CDH18: variants seen among roughly 807,000 people sequenced by gnomAD.
The protein encoded by CDH18 is cadherin-18.
Under a neutral mutation model 67.9 loss-of-function variants are expected in CDH18, and 31 were observed. The ratio of observed to expected loss-of-function variants is 0.46; its 90% CI spans 0.34 to 0.62. The LOEUF (loss-of-function observed/expected upper bound fraction) is 0.62. Among genes scored for constraint, CDH18 ranks in the 20% least tolerant of loss-of-function variants. The pLI, the probability that CDH18 is intolerant of heterozygous loss-of-function variation, is 0.01. For synonymous variants in CDH18, 362 were observed against 347.2 expected, an observed-to-expected ratio of 1.04 and a Z score of -0.48; for missense variants, 890 against 975.5, an observed-to-expected ratio of 0.91 and a Z score of 1.17.
intron 10 of CDH18, among the ~76,000 whole-genome samples, chr5:19,508,424 T>C (rs1419610410): frequency 1.3e-5 from 2 of 152,138 alleles, no homozygotes; most frequent in African/African-American, 4.8e-5. Flanking sequence ...CCTAAGAATA[T>C]CTTTTTTGAT....
At chr5:19,729,291 T>C (rs931123122) in intron 4 of CDH18, among the ~76,000 whole-genome samples, 2 of 152,186 alleles carry the variant, frequency 1.3e-5, no homozygotes, top group Admixed American at 1.3e-4. Context: ...ATAAAATAAT[T>C]AAGTTAACAA....
intron 1 of CDH18, among the ~76,000 whole-genome samples, chr5:20,366,378 C>T (rs1335179813): frequency 6.6e-6 from 1 of 152,152 alleles, no homozygotes; most frequent in African/African-American, 2.4e-5. Flanking sequence ...CACTTTTTTT[C>T]CTGTTCCAAT....
chr5:20,198,940 C>G (rs115141811), intron 2 of CDH18, among the ~76,000 whole-genome samples: 1 of 152,184 alleles, frequency 6.6e-6, no homozygotes, highest in Non-Finnish European at 1.5e-5. Flanking sequence ...TGAGAGTGCA[C>G]AGAAGACAAT....
At chr5:20,519,459 G>A (rs1413687717) in intron 1 of CDH18, among the ~76,000 whole-genome samples, 3 of 152,002 alleles carry the variant, frequency 2.0e-5, no homozygotes, top group East Asian at 1.9e-4. Flanking sequence ...ATCACACTCC[G>A]GGGACTGTTG....
intron 2 of CDH18, among the ~76,000 whole-genome samples, chr5:20,040,453 G>A (rs1009291107): frequency 6.6e-6 from 1 of 152,060 alleles, no homozygotes; most frequent in Non-Finnish European, 1.5e-5. Flanking sequence ...AGTTTTAAGA[G>A]GACTTTGAAT....
At chr5:20,301,564 A>G (rs1168145012) in intron 1 of CDH18, among the ~76,000 whole-genome samples, 1 of 152,190 alleles carries the variant, frequency 6.6e-6, no homozygotes, top group Non-Finnish European at 1.5e-5. Context: ...CCAGAATGAG[A>G]GGACTCATCA....
At chr5:19,587,172 G>A (rs894784616) in intron 7 of CDH18, among the ~76,000 whole-genome samples, 13 of 152,124 alleles carry the variant, frequency 8.5e-5, no homozygotes, top group African/African-American at 2.9e-4. Context: ...TGTTTAACCT[G>A]TTGATAGTTT....
chr5:20,488,320 A>C, intron 1 of CDH18, among the ~76,000 whole-genome samples: 1 of 152,158 alleles, frequency 6.6e-6, no homozygotes, highest in South Asian at 2.1e-4. Context: ...TGCTTTAAAA[A>C]GAAACAGTTG....
intron 1 of CDH18, among the ~76,000 whole-genome samples, chr5:20,275,589 T>C (rs1457259086): frequency 1.3e-5 from 2 of 152,208 alleles, no homozygotes; most frequent in Non-Finnish European, 2.9e-5. Context: ...AATCAATTAT[T>C]TTTTGTGTTC....
intron 1 of CDH18, among the ~76,000 whole-genome samples, chr5:20,292,549 G>A (rs761400778): frequency 5.3e-4 from 81 of 152,160 alleles, no homozygotes; most frequent in Admixed American, 1.4e-3. Context: ...ATAAAACAAG[G>A]AACCACAAAC....
intron 2 of CDH18, among the ~76,000 whole-genome samples, chr5:19,975,132 T>C (rs1798379582): frequency 6.6e-6 from 1 of 152,164 alleles, no homozygotes; most frequent in South Asian, 2.1e-4. Flanking sequence ...TGATACATTA[T>C]ATAAATATAA....
intron 10 of CDH18, among the ~76,000 whole-genome samples, chr5:19,505,824 T>C (rs1178815782): frequency 6.6e-6 from 1 of 152,176 alleles, no homozygotes; most frequent in Non-Finnish European, 1.5e-5. Context: ...AGGATGATGC[T>C]GGCCTCATAA....
At chr5:20,174,554 G>A (rs1737084822) in intron 2 of CDH18, among the ~76,000 whole-genome samples, 1 of 151,900 alleles carries the variant, frequency 6.6e-6, no homozygotes, top group Non-Finnish European at 1.5e-5. Flanking sequence ...CCTTTTTTGG[G>A]GACAACAAAT....
chr5:19,934,194 G>A (rs1034068353), intron 2 of CDH18, among the ~76,000 whole-genome samples: 3 of 151,360 alleles, frequency 2.0e-5, no homozygotes, highest in African/African-American at 4.8e-5. Flanking sequence ...GAGAAAGAGA[G>A]AGAGAGAGAA....
intron 1 of CDH18, among the ~76,000 whole-genome samples, chr5:20,453,719 G>C (rs181780951): frequency 6.4e-4 from 98 of 152,048 alleles, no homozygotes; most frequent in South Asian, 1.7e-3. Flanking sequence ...TGATCCTGAT[G>C]AGTTTACCAG....
chr5:20,057,857 A>T (rs1401951989), intron 2 of CDH18, among the ~76,000 whole-genome samples: 1 of 152,190 alleles, frequency 6.6e-6, no homozygotes, highest in African/African-American at 2.4e-5. Context: ...TGGTGTGCTG[A>T]AACCACATTT....
In CDH18 at chr5:19,638,977, G is replaced by GTTTTTTTTTTT. The variant is rs34631530; in HGVS notation, c.644-26387_644-26377dup. 2.5e-3 allele frequency among the ~76,000 whole-genome samples: 135 copies of GTTTTTTTTTTT among 54,688 alleles called. 2 individuals carry two copies. Among genetic ancestry groups the GTTTTTTTTTTT allele is most frequent in the African/African-American group, 4.2e-3 (80 of 19,104 alleles). 35.9% of individuals were successfully genotyped at this position (54,688 alleles called of 152,430 possible). On this transcript the variant is annotated intron_variant, in intron 5 of 12. Transcript: ENST00000382275. ...GATCGCTGGGAAGTTTTTTGTTGCT[G>GTTTTTTTTTTT]TTTTTTTTTTTTTTTTTTTTTTTTT...
chr5:19,539,280 A>G (rs454922), intron 9 of CDH18, among the ~76,000 whole-genome samples: 77,580 of 151,936 alleles, frequency 0.51, 20,803 homozygotes, highest in African/African-American at 0.68. Context: ...GCTTTACTTC[A>G]TAGATATAGA....
At chr5:20,205,436 G>A (rs145521809) in intron 2 of CDH18, among the ~76,000 whole-genome samples, 1 of 151,764 alleles carries the variant, frequency 6.6e-6, no homozygotes, top group Non-Finnish European at 1.5e-5. Context: ...TAGTAGTAAG[G>A]GACTTCAACA....
Sources: gnomAD v4.1 joint callset for allele counts (sites outside exome capture counted in the v4.1 genomes callset) on GRCh38, gnomAD v4.1.1 for gene constraint, MANE v1.5 for transcripts, NCBI Gene and HGNC (gene_info 2026-07-23, HGNC 2026-07-21) for gene names.